The following POPDC2 variants were observed in gnomAD, a reference collection of about 807,000 sequenced individuals.
POPDC2 encodes the protein popeye domain-containing protein 2.
A neutral mutation model predicts 30.5 loss-of-function variants in POPDC2; 24 were observed. The observed-to-expected ratio is 0.79, with a 90% CI of 0.57 to 1.11. The LOEUF is 1.11. POPDC2 is among the 50% of genes least tolerant of loss of function. The probability of loss-of-function intolerance (pLI) is 0.00; values close to 1 mark genes in which losing one functional copy is unlikely to be tolerated. For missense variants in POPDC2, 409 were observed against 447.0 expected, an observed-to-expected ratio of 0.91 and a Z score of 0.77; for synonymous variants, 185 against 183.3, an observed-to-expected ratio of 1.01 and a Z score of -0.07.
At position 119,642,417 on chromosome 3, in the gene POPDC2, C is replaced by G; in HGVS notation, c.*188G>C. On this transcript the variant is annotated 3_prime_UTR_variant, in exon 4 of 4. Coordinates refer to ENST00000493094, the MANE Select transcript of POPDC2 (RefSeq NM_001369919.2). ...GGAAAAGAGGCATGCCTATCAGTGG[C>G]CATTCTGTGAACACAGAAGAGAGCT... 8.1e-7 allele frequency: 1 copy of G among 1,236,390 alleles called. No homozygotes were observed. The highest frequency in any genetic ancestry group is 1.2e-6 in the Non-Finnish European group (1 of 842,070). The allele number at this position is 1,236,390 out of a possible 1,614,324, so 76.6% of individuals were successfully genotyped here.
Position 119,648,534 on chromosome 3 carries a change from G to C in POPDC2, c.735C>G (p.Leu245=). 1 of 1,614,148 alleles carries C rather than the reference G, an allele frequency of 6.2e-7. No homozygotes were observed. The highest frequency in any genetic ancestry group is 8.5e-7 in the Non-Finnish European group (1 of 1,180,014). ...CAAAGAGCTTGTCATTGAGAGTGTA[G>C]AGCTTCTCTGAGATGTCATATCCCA... ...ALLGYDISEK[L]YTLNDKLFAK... The change falls in exon 3 of 4, where the codon CTC becomes CTG. Residue 245 remains leucine, a synonymous_variant. Coordinates refer to ENST00000493094, the MANE Select transcript of POPDC2 (RefSeq NM_001369919.2).
intron 3 of POPDC2, among the ~76,000 whole-genome samples, chr3:119,643,085 C>CA (rs1368401236): frequency 6.6e-6 from 1 of 152,178 alleles, no homozygotes; most frequent in East Asian, 1.9e-4. Context: ...GTAGAGGTGG[C>CA]ACGACCCTCT....
At chr3:119,655,637 C>T (rs1454797107) in intron 1 of POPDC2, among the ~76,000 whole-genome samples, 1 of 152,222 alleles carries the variant, frequency 6.6e-6, no homozygotes, top group East Asian at 1.9e-4. Context: ...CCAGACTCTG[C>T]TAGACACTTT....
At chr3:119,644,722 G>C (rs971615035) in intron 3 of POPDC2, among the ~76,000 whole-genome samples, 3 of 152,104 alleles carry the variant, frequency 2.0e-5, no homozygotes, top group African/African-American at 7.2e-5. Context: ...TCTCATATAA[G>C]TGCTGTGCCG....
intron 3 of POPDC2, among the ~76,000 whole-genome samples, chr3:119,643,700 A>G (rs2052714890): frequency 6.6e-6 from 1 of 152,200 alleles, no homozygotes; most frequent in African/African-American, 2.4e-5. Context: ...TTAGAAACAC[A>G]GAATCCTAGA....
intron 2 of POPDC2, among the ~76,000 whole-genome samples, chr3:119,650,579 C>T (rs1452553714): frequency 6.6e-6 from 1 of 152,172 alleles, no homozygotes; most frequent in Non-Finnish European, 1.5e-5. Flanking sequence ...CCATACACTC[C>T]TTGCCCAATC....
intron 3 of POPDC2, among the ~76,000 whole-genome samples, chr3:119,644,782 T>C (rs549552576): frequency 3.9e-5 from 6 of 152,252 alleles, no homozygotes; most frequent in South Asian, 2.1e-4. Context: ...AGCCAGGAAA[T>C]AGATGGTGAA....
At chr3:119,642,753 T>C (rs2052704842) in intron 3 of POPDC2, among the ~76,000 whole-genome samples, 192 bp from the exon 4 acceptor site, 1 of 152,206 alleles carries the variant, frequency 6.6e-6, no homozygotes, top group Non-Finnish European at 1.5e-5. Flanking sequence ...CAAGTCAGCT[T>C]TGAAGGTATC....
chr3:119,654,625 A>G lies in POPDC2; in HGVS notation c.492-12T>C. ...GGCTCACACGAACCCTGGCAAGGGA[A>G]GAGAAGAGATCATGTGGGAAAAGGA... On this transcript the variant is annotated splice_polypyrimidine_tract_variant and intron_variant, in intron 1 of 3. Transcript: ENST00000493094. 1.9e-6 allele frequency: 3 copies of G among 1,606,202 alleles called. No homozygotes were observed. Among genetic ancestry groups the G allele is most frequent in the Non-Finnish European group, 2.6e-6 (3 of 1,172,804 alleles).
chr3:119,642,601 T>C (rs2052702434), intron 3 of POPDC2, 40 bp from the exon 4 acceptor site: 1 of 1,361,728 alleles, frequency 7.3e-7, no homozygotes, highest in Non-Finnish European at 1.0e-6. Context: ...GCACTATGTC[T>C]CTGGACAGTT....
intron 3 of POPDC2, chr3:119,643,441 C>A (rs2052712102): frequency 2.0e-6 from 3 of 1,529,518 alleles, no homozygotes; most frequent in Non-Finnish European, 2.6e-6. Context: ...GAGGGAAAAT[C>A]ATCTATCTCT....
chr3:119,648,276 T>C lies in POPDC2; in HGVS notation c.993A>G (p.Pro331=), dbSNP rs563337690. 18 of 1,613,874 alleles carry C rather than the reference T, an allele frequency of 1.1e-5. No homozygotes were observed. Among genetic ancestry groups the C allele is most frequent in the Non-Finnish European group, 1.5e-5 (18 of 1,179,978 alleles). Residue 331 remains proline (P), a synonymous_variant, in exon 3 of 4, where the codon CCA becomes CCG. Coordinates refer to ENST00000493094, the MANE Select transcript of POPDC2 (RefSeq NM_001369919.2). ...APPTRARLSR[P]DSGILGEDST... is the part of the protein sequence containing the mutation. ...AGTCCTCACCCAGTATGCCACTGTC[T>C]GGCCTGGACAACCTGGCCCGGGTAG... is the stretch of plus-strand genomic sequence containing the variant.
At position 119,648,580 on chromosome 3, in the gene POPDC2, G is replaced by A. The variant is rs572571942; in HGVS notation, c.689C>T (p.Ser230Phe). Residue 230 changes from serine (S) to phenylalanine (F), a missense_variant, in exon 3 of 4, where the codon TCC becomes TTC. Ser to Phe is a radical substitution (Grantham distance 155). Coordinates refer to ENST00000493094, the MANE Select transcript of POPDC2 (RefSeq NM_001369919.2). Reference sequence around the variant, plus strand: ...TCCCAGCAGAGCCGAGAAGAGGCAGGAGATGTATCGCTCTTTGGTCAGAAG... The same window carrying A: ...TCCCAGCAGAGCCGAGAAGAGGCAGAAGATGTATCGCTCTTTGGTCAGAAG... ...HLLLTKERYI[S>F]CLFSALLGYD... 4 of 1,614,198 alleles carry A rather than the reference G, an allele frequency of 2.5e-6. No homozygotes were observed. In the African/African-American group the frequency reaches 4.0e-5, roughly 16 times the overall value.
At position 119,648,368 on chromosome 3, in the gene POPDC2, G is replaced by T; in HGVS notation, c.901C>A (p.Pro301Thr). The T allele has an allele frequency of 6.2e-7, 1 of 1,614,164 alleles. No individual in the cohort carries two copies. The highest frequency in any genetic ancestry group is 8.5e-7 in the Non-Finnish European group (1 of 1,180,030). ...EPAVSPPQAT[P>T]TSLQQTPPCS... ...GGGGGTGTTTGCTGGAGAGAGGTGG[G>T]TGTGGCCTGAGGAGGGGACACAGCT... Residue 301 changes from proline to threonine, a missense_variant, in exon 3 of 4, where the codon CCC becomes ACC. Transcript: ENST00000493094.
intron 1 of POPDC2, among the ~76,000 whole-genome samples, chr3:119,655,074 C>T (rs1345099469): frequency 6.6e-6 from 1 of 152,190 alleles, no homozygotes; most frequent in Non-Finnish European, 1.5e-5. Context: ...CACCTGTAAT[C>T]CCAGCACTTT....
chr3:119,658,546 T>C (rs542812974), intron 1 of POPDC2, among the ~76,000 whole-genome samples: 19 of 152,362 alleles, frequency 1.2e-4, no homozygotes, highest in Non-Finnish European at 1.0e-4. Flanking sequence ...TATAACATCA[T>C]GGGTCTCATG....
chr3:119,652,920 T>G (rs2052828902), intron 2 of POPDC2, among the ~76,000 whole-genome samples: 1 of 152,224 alleles, frequency 6.6e-6, no homozygotes, highest in East Asian at 1.9e-4. Flanking sequence ...TTGGCTCATA[T>G]GTTGGCTTGA....
At chr3:119,648,095 A>C (rs1335548345) in intron 3 of POPDC2, 24 bp downstream of exon 3, 3 of 1,433,428 alleles carry the variant, frequency 2.1e-6, no homozygotes, top group Non-Finnish European at 2.7e-6. Flanking sequence ...AGGAATGTGC[A>C]GCGGCTGCCT....
rs934505953 is a variant in POPDC2, at chr3:119,642,238, G to A, written c.*367C>T. Reference sequence around the variant, plus strand: ...GCCCAAGATTCTGCAGCTGGTAAAGGACGGAATCTGTGCCTCTGCACTACC... The same window carrying A: ...GCCCAAGATTCTGCAGCTGGTAAAGAACGGAATCTGTGCCTCTGCACTACC... On this transcript the variant is annotated 3_prime_UTR_variant, in exon 4 of 4. Transcript: ENST00000493094. The A allele has an allele frequency of 1.2e-5, 4 of 347,342 alleles. No homozygotes were observed. The highest frequency in any genetic ancestry group is 4.1e-5 in the African/African-American group (2 of 48,782). The allele number at this position is 347,342 out of a possible 1,614,324, so 21.5% of individuals were successfully genotyped here.
Sources: allele counts gnomAD v4.1 joint callset (sites outside exome capture counted in the v4.1 genomes callset), GRCh38; gene constraint gnomAD v4.1.1; transcripts MANE v1.5; gene names NCBI Gene and HGNC (gene_info 2026-07-23, HGNC 2026-07-21).